Variants in NPTX1 observed in about 807,000 individuals in gnomAD.
The protein encoded by NPTX1 is neuronal pentraxin-1.
In NPTX1, 12 loss-of-function variants were observed where a neutral mutation model predicts 38.7. The ratio of observed to expected loss-of-function variants is 0.31; its 90% CI spans 0.20 to 0.50. The LOEUF (loss-of-function observed/expected upper bound fraction) is 0.50. Ranked by LOEUF, NPTX1 falls within the 20% of genes least tolerant of loss-of-function variation. The probability of loss-of-function intolerance (pLI) is 0.98; values close to 1 mark genes in which losing one functional copy is unlikely to be tolerated. For missense variants in NPTX1, 454 were observed against 592.2 expected (o/e 0.77, Z 2.42); for synonymous variants, 272 against 264.9 (o/e 1.03, Z -0.26).
rs2083877336 is a variant in NPTX1, at chr17:80,475,819, G to A, written c.445-101C>T. ...GTCCCCTCTGGGCGACTGCGGGGGCGGCCTGGCAGGGAGCTGGGGCGAGTG... is the reference window on the plus strand; with the variant it reads ...GTCCCCTCTGGGCGACTGCGGGGGCAGCCTGGCAGGGAGCTGGGGCGAGTG... On this transcript the variant is annotated intron_variant, in intron 1 of 4. Coordinates refer to ENST00000306773, the MANE Select transcript of NPTX1 (RefSeq NM_002522.4). This position sits in a 1 kb window ranked among gnomAD's most constrained non-coding sequence, Gnocchi z 6.5. 1.0e-6 allele frequency: 1 copy of A among 996,614 alleles called. No individual in the cohort carries two copies. 61.7% of individuals were successfully genotyped at this position (996,614 alleles called of 1,614,324 possible).
rs1474263563 is a variant in NPTX1, at chr17:80,475,990, GGC to G, written c.444+11_444+12del. The G allele has an allele frequency of 6.2e-7, 1 of 1,600,670 alleles. No individual in the cohort carries two copies. The highest frequency in any genetic ancestry group is 8.5e-7 in the Non-Finnish European group (1 of 1,173,710). On this transcript the variant is annotated intron_variant, in intron 1 of 4. Transcript: ENST00000306773. The surrounding 1 kb of genome is among the most constrained non-coding windows in gnomAD (Gnocchi z 6.5). ...AGCCGGAGGGGGAACCGGAGCCGAG[GGC>G]GCGCGCGGACCTCGAGGTTCTCCAG... is the stretch of plus-strand genomic sequence containing the variant.
Position 80,476,367 on chromosome 17 carries a change from G to T in NPTX1, c.80C>A (p.Pro27Gln). ...LLGAGAQDFG[P>Q]TRFICTSVPV... is the part of the protein sequence containing the mutation. ...CACCGAGGTGCAGATGAAGCGCGTC[G>T]GCCCGAAATCCTGGGCCCCGGCGCC... The change falls in exon 1 of 5, where the codon CCG (proline) becomes CAG (glutamine). Residue 27 changes from proline (P) to glutamine (Q), a missense_variant. This residue lies in a region of NPTX1 where 288 missense variants were observed against 318.4 expected (regional missense o/e 0.90). Transcript: ENST00000306773. The surrounding 1 kb of genome is among the most constrained non-coding windows in gnomAD (Gnocchi z 6.3). 1 of 1,524,606 alleles carries T rather than the reference G, an allele frequency of 6.6e-7. No individual in the cohort carries two copies. The highest frequency in any genetic ancestry group is 8.8e-7 in the Non-Finnish European group (1 of 1,142,536). 94.4% of individuals were successfully genotyped at this position (1,524,606 alleles called of 1,614,324 possible). A position where few individuals can be genotyped will look rare whatever the true frequency, so the allele number is the denominator to read the frequency against.
In NPTX1 at chr17:80,476,150, G is replaced by A. The variant is rs1479103764; in HGVS notation, c.297C>T (p.Ala99=). The change falls in exon 1 of 5, where the codon GCC becomes GCT. Residue 99 remains alanine, a synonymous_variant. Coordinates refer to ENST00000306773, the MANE Select transcript of NPTX1 (RefSeq NM_002522.4). The surrounding 1 kb of genome is among the most constrained non-coding windows in gnomAD (Gnocchi z 6.3). ...GGCCGCCGCCCGCCCGGGCCTCGCCGGCTCCGGGGTCCAGCGTGCTCTGGC... is the reference window on the plus strand; with the variant it reads ...GGCCGCCGCCCGCCCGGGCCTCGCCAGCTCCGGGGTCCAGCGTGCTCTGGC... ...CESQSTLDPG[A]GEARAGGGRK... 3.1e-6 allele frequency: 5 copies of A among 1,593,938 alleles called. No individual in the cohort carries two copies. Among genetic ancestry groups the A allele is most frequent in the East Asian group, 2.3e-5 (1 of 44,188 alleles).
rs1271905266 is a variant in NPTX1, at chr17:80,475,823, T to C, written c.445-105A>G. On this transcript the variant is annotated intron_variant, in intron 1 of 4. Coordinates refer to ENST00000306773, the MANE Select transcript of NPTX1 (RefSeq NM_002522.4). The surrounding 1 kb of genome is among the most constrained non-coding windows in gnomAD (Gnocchi z 6.5). ...CCTCTGGGCGACTGCGGGGGCGGCC[T>C]GGCAGGGAGCTGGGGCGAGTGGCCG... is the stretch of plus-strand genomic sequence containing the variant. 28 of 988,388 alleles carry C rather than the reference T, an allele frequency of 2.8e-5. No individual in the cohort carries two copies. Among genetic ancestry groups the C allele is most frequent in the Non-Finnish European group, 3.6e-5 (25 of 693,656 alleles). 61.2% of individuals were successfully genotyped at this position (988,388 alleles called of 1,614,324 possible).
In NPTX1 at chr17:80,476,087, G is replaced by A; in HGVS notation, c.360C>T (p.Asp120=). The A allele has an allele frequency of 6.2e-7, 1 of 1,606,766 alleles. No homozygotes were observed. The highest frequency in any genetic ancestry group is 8.5e-7 in the Non-Finnish European group (1 of 1,178,222). ...QPGSGKNTMG[D]LSRTPAAETL... ...TCTCGGCGGCCGGTGTCCGGGACAG[G>A]TCGCCCATGGTGTTCTTGCCCGAGC... Residue 120 remains aspartate (D), a synonymous_variant, in exon 1 of 5, where the codon GAC becomes GAT. Coordinates refer to ENST00000306773, the MANE Select transcript of NPTX1 (RefSeq NM_002522.4). This position sits in a 1 kb window ranked among gnomAD's most constrained non-coding sequence, Gnocchi z 6.3.
At chr17:80,473,493 G>A (rs1055923893) in intron 2 of NPTX1, 49 bp from the exon 3 acceptor site, 18 of 1,596,926 alleles carry the variant, frequency 1.1e-5, no homozygotes, top group East Asian at 2.2e-5. Context: ...AGTGCTTATC[G>A]GTGTCTGAGT....
rs1281520358 is a variant in NPTX1 at position 80,469,169 on chromosome 17, C to T, written c.*1644G>A. ...AAGGAACAGAAGACAGAAACACCTG[C>T]TCCTCCTGCAGAAATGTCTGCAGCT... is the stretch of plus-strand genomic sequence containing the variant. On this transcript the variant is annotated 3_prime_UTR_variant, in exon 5 of 5. Coordinates refer to ENST00000306773, the MANE Select transcript of NPTX1 (RefSeq NM_002522.4). 1 of 152,568 alleles carries T rather than the reference C, an allele frequency of 6.6e-6. No homozygotes were observed. The highest frequency in any genetic ancestry group is 2.4e-5 in the African/African-American group (1 of 41,452). The allele number at this position is 152,568 out of a possible 1,614,324, so 9.5% of individuals were successfully genotyped here.
rs2083883989 is a variant in NPTX1 at position 80,476,479 on chromosome 17, C to G, written c.-33G>C. On this transcript the variant is annotated 5_prime_UTR_variant, in exon 1 of 5. Transcript: ENST00000306773. This position sits in a 1 kb window ranked among gnomAD's most constrained non-coding sequence, Gnocchi z 6.3. The stretch of plus-strand genomic sequence containing the variant: ...GGCACCGGGCGCTCCGGGCCCGGCT[C>G]GGCTCGGCTGGGGCTCGGCTCCGGC... 12 of 1,163,692 alleles carry G rather than the reference C, an allele frequency of 1.0e-5. No homozygotes were observed. The highest frequency in any genetic ancestry group is 4.0e-5 in the East Asian group (1 of 24,984). 72.1% of individuals were successfully genotyped at this position (1,163,692 alleles called of 1,614,324 possible). A position where few individuals can be genotyped will look rare whatever the true frequency, so the allele number is the denominator to read the frequency against.
chr17:80,473,527 T>G, intron 2 of NPTX1, 83 bp from the exon 3 acceptor site: 5 of 1,404,218 alleles, frequency 3.6e-6, no homozygotes, highest in Non-Finnish European at 5.0e-6. Flanking sequence ...CACCAAGCTC[T>G]GTGATGCGTG....
intron 3 of NPTX1, 23 bp downstream of exon 3, chr17:80,473,177 T>G (rs1408420784): frequency 7.5e-6 from 12 of 1,606,080 alleles, no homozygotes; most frequent in Non-Finnish European, 9.3e-6. Flanking sequence ...CCTGCCGCCC[T>G]GTGAGCCCGG....
chr17:80,476,114 G>C lies in NPTX1; in HGVS notation c.333C>G (p.Pro111=), dbSNP rs776134059. The C allele has an allele frequency of 4.4e-6, 7 of 1,601,572 alleles. No individual in the cohort carries two copies. In the East Asian group the frequency reaches 1.6e-4, roughly 36 times the overall value. Residue 111 remains proline (P), a synonymous_variant, in exon 1 of 5, where the codon CCC becomes CCG. Coordinates refer to ENST00000306773, the MANE Select transcript of NPTX1 (RefSeq NM_002522.4). This position sits in a 1 kb window ranked among gnomAD's most constrained non-coding sequence, Gnocchi z 6.3. ...CGCCCATGGTGTTCTTGCCCGAGCC[G>C]GGCTGCTTGCGGCCGCCGCCCGCCC... ...EARAGGGRKQ[P]GSGKNTMGDL... is the part of the protein sequence containing the mutation.
chr17:80,473,375 G>C lies in NPTX1; in HGVS notation c.722C>G (p.Ala241Gly), dbSNP rs1264426293. The change falls in exon 3 of 5, where the codon GCC becomes GGC. Residue 241 changes from alanine to glycine, a missense_variant. Transcript: ENST00000306773. Reference sequence around the variant, plus strand: ...CTCTGGCAGGCTCTTCTTCACCTTGGCATACATATAGTTGGTCCGCAGTGG... The same window carrying C: ...CTCTGGCAGGCTCTTCTTCACCTTGCCATACATATAGTTGGTCCGCAGTGG... ...TFPLRTNYMY[A>G]KVKKSLPEMY... 6.2e-7 allele frequency: 1 copy of C among 1,613,890 alleles called. No individual in the cohort carries two copies. The highest frequency in any genetic ancestry group is 8.5e-7 in the Non-Finnish European group (1 of 1,179,934).
rs372324754 is a variant in NPTX1 at position 80,469,374 on chromosome 17, G to GCA, written c.*1437_*1438dup. 5.3e-5 allele frequency: 8 copies of GCA among 151,690 alleles called. No individual in the cohort carries two copies. The highest frequency in any genetic ancestry group is 1.9e-4 in the East Asian group (1 of 5,176). 9.4% of individuals were successfully genotyped at this position (151,690 alleles called of 1,614,324 possible). On this transcript the variant is annotated 3_prime_UTR_variant, in exon 5 of 5. Coordinates refer to ENST00000306773, the MANE Select transcript of NPTX1 (RefSeq NM_002522.4). ...GAGCCTGCTCTCTTTCTCACTTAGC[G>GCA]CACACACACACACAACACACACACA... is the stretch of plus-strand genomic sequence containing the variant.
Position 80,475,435 on chromosome 17 carries a change from T to C in NPTX1, c.652+76A>G. The C allele has an allele frequency of 9.5e-7, 1 of 1,049,398 alleles. No individual in the cohort carries two copies. The highest frequency in any genetic ancestry group is 1.3e-6 in the Non-Finnish European group (1 of 744,404). 65.0% of individuals were successfully genotyped at this position (1,049,398 alleles called of 1,614,324 possible). ...AGGCTTGCACAGTGCAGAGCTGGGC[T>C]GTTAGGGATCGGGACCGAGGCAGGG... On this transcript the variant is annotated intron_variant, in intron 2 of 4. Coordinates refer to ENST00000306773, the MANE Select transcript of NPTX1 (RefSeq NM_002522.4). This position sits in a 1 kb window ranked among gnomAD's most constrained non-coding sequence, Gnocchi z 6.5.
intron 3 of NPTX1, among the ~76,000 whole-genome samples, chr17:80,472,801 G>A (rs2083849550): frequency 6.6e-6 from 1 of 152,134 alleles, no homozygotes; most frequent in South Asian, 2.1e-4. Flanking sequence ...GGATAGACTT[G>A]GACTCAGGAA....
At chr17:80,471,206 C>G (rs1246544822) in intron 4 of NPTX1, among the ~76,000 whole-genome samples, 172 bp from the exon 5 acceptor site, 1 of 152,172 alleles carries the variant, frequency 6.6e-6, no homozygotes, top group Non-Finnish European at 1.5e-5. Flanking sequence ...ACATCCATCC[C>G]TCCTCTGGGG....
chr17:80,473,690 C>A, intron 2 of NPTX1: 1 of 540,728 alleles, frequency 1.8e-6, no homozygotes, highest in Non-Finnish European at 3.3e-6. Flanking sequence ...CATGTGCTGG[C>A]ATCCTTGGGG....
In NPTX1 at chr17:80,476,076, G is replaced by A; in HGVS notation, c.371C>T (p.Thr124Ile). The A allele has an allele frequency of 1.2e-6, 2 of 1,608,302 alleles. No homozygotes were observed. Residue 124 changes from threonine (T) to isoleucine (I), a missense_variant, in exon 1 of 5, where the codon ACA (threonine) becomes ATA (isoleucine). Thr to Ile is a moderately conservative substitution (Grantham distance 89). This residue lies in a region of NPTX1 where 288 missense variants were observed against 318.4 expected (regional missense o/e 0.90). Transcript: ENST00000306773. The surrounding 1 kb of genome is among the most constrained non-coding windows in gnomAD (Gnocchi z 6.3). ...TTGGCTGAGCGTCTCGGCGGCCGGT[G>A]TCCGGGACAGGTCGCCCATGGTGTT... ...GKNTMGDLSR[T>I]PAAETLSQLG... is the part of the protein sequence containing the mutation.
intron 3 of NPTX1, 65 bp downstream of exon 3, chr17:80,473,135 A>T: frequency 6.4e-7 from 1 of 1,570,824 alleles, no homozygotes; most frequent in Non-Finnish European, 8.6e-7. Context: ...CTGTCTCCGC[A>T]TGCAACATGA....
Sources: gnomAD v4.1 joint callset for allele counts (sites outside exome capture counted in the v4.1 genomes callset) on GRCh38, gnomAD v4.1.1 for gene constraint, gnomAD v4.1.1 regional missense constraint, Gnocchi (gnomAD v3.1) non-coding constraint, MANE v1.5 for transcripts, NCBI Gene and HGNC (gene_info 2026-07-23, HGNC 2026-07-21) for gene names.